BRSK2: variants seen among roughly 807,000 people sequenced by gnomAD.
The protein encoded by BRSK2 is BR serine/threonine kinase 2, also known as serine/threonine-protein kinase BRSK2.
In BRSK2, 19 loss-of-function variants were observed where a neutral mutation model predicts 83.3. The observed-to-expected ratio is 0.23, with a 90% CI of 0.16 to 0.33. The LOEUF (loss-of-function observed/expected upper bound fraction) is 0.33. BRSK2 is among the 10% of genes least tolerant of loss of function. BRSK2 has a pLI of 1.00. For missense variants in BRSK2, 798 were observed against 1,042.3 expected (o/e 0.77, Z 3.23); for synonymous variants, 519 against 435.4 (o/e 1.19, Z -2.39).
intron 5 of BRSK2, 107 bp downstream of exon 5, chr11:1,442,713 C>A (rs985592560): frequency 5.7e-6 from 5 of 879,300 alleles, no homozygotes; most frequent in Admixed American, 2.1e-5. Context: ...CCCGGCACCC[C>A]ACAGGCAGGC....
chr11:1,453,265 G>A (rs532832408), intron 15 of BRSK2, among the ~76,000 whole-genome samples: 1 of 152,218 alleles, frequency 6.6e-6, no homozygotes, highest in South Asian at 2.1e-4. Flanking sequence ...CTCACCCCTC[G>A]TCGGCCTGGC....
intron 12 of BRSK2, among the ~76,000 whole-genome samples, chr11:1,449,078 G>T (rs1696241754): frequency 6.6e-6 from 1 of 152,252 alleles, no homozygotes; most frequent in African/African-American, 2.4e-5. Flanking sequence ...CGTCCGTGCA[G>T]TGTGGTGGAA....
chr11:1,440,965 G>T (rs771814821), intron 4 of BRSK2, 37 bp downstream of exon 4: 1 of 1,583,796 alleles, frequency 6.3e-7, no homozygotes, highest in Admixed American at 1.7e-5. Context: ...ACTCCCCAGG[G>T]ACCCCCACAC....
chr11:1,446,118 A>AGCTGG (rs1273699059), intron 12 of BRSK2, among the ~76,000 whole-genome samples: 3 of 110,336 alleles, frequency 2.7e-5, no homozygotes, highest in Non-Finnish European at 5.3e-5. Flanking sequence ...CTGGGAGCTG[A>AGCTGG]GCTGGGCTGG....
At chr11:1,444,920 G>T in intron 8 of BRSK2, 51 bp from the exon 9 acceptor site, 1 of 1,570,968 alleles carries the variant, frequency 6.4e-7, no homozygotes, top group Non-Finnish European at 8.8e-7. Flanking sequence ...CCTAATGTGG[G>T]CTCTTTCCGT....
chr11:1,409,179 C>G lies in BRSK2; in HGVS notation c.91+18804C>G, dbSNP rs190647915. Among the ~76,000 whole-genome samples, 728 of 152,304 alleles carry G rather than the reference C, an allele frequency of 4.8e-3. 1 individual carries two copies. Among genetic ancestry groups the G allele is most frequent in the Non-Finnish European group, 7.8e-3 (528 of 68,020 alleles). ...GCATTTCCCTCTCTGTTTCTCTGCC[C>G]CGCCCCAGCCATCCCCTTCACCCCT... is the stretch of plus-strand genomic sequence containing the variant. On this transcript the variant is annotated intron_variant, in intron 1 of 19. Coordinates refer to ENST00000528841, the MANE Select transcript of BRSK2 (RefSeq NM_001256627.2).
intron 1 of BRSK2, among the ~76,000 whole-genome samples, chr11:1,400,242 C>T (rs1020626234): frequency 3.3e-5 from 5 of 152,298 alleles, no homozygotes; most frequent in Middle Eastern, 3.4e-3. Flanking sequence ...CAGTCTCCCG[C>T]CCCCTCCATG....
chr11:1,443,234 C>A, intron 6 of BRSK2, 95 bp downstream of exon 6: 1 of 1,517,628 alleles, frequency 6.6e-7, no homozygotes. Context: ...CCAGGTGCTG[C>A]TAGGCTGCCT....
intron 14 of BRSK2, 31 bp from the exon 15 acceptor site, chr11:1,451,338 ACG>A: frequency 2.5e-6 from 4 of 1,612,584 alleles, no homozygotes; most frequent in Non-Finnish European, 3.4e-6. Flanking sequence ...AGCGGTCACC[ACG>A]CCTTTCCTCC....
At chr11:1,427,792 T>C (rs1849424626) in intron 1 of BRSK2, among the ~76,000 whole-genome samples, 1 of 152,130 alleles carries the variant, frequency 6.6e-6, no homozygotes, top group South Asian at 2.1e-4. Context: ...GGCCCTGGGC[T>C]TCCCCGCTCC....
intron 18 of BRSK2, 31 bp from the exon 19 acceptor site, chr11:1,459,161 C>G (rs1356459651): frequency 1.2e-6 from 2 of 1,609,984 alleles, no homozygotes; most frequent in African/African-American, 2.7e-5. Context: ...TTCACTCACT[C>G]CCTCCCTCCT....
intron 18 of BRSK2, 121 bp from the exon 19 acceptor site, chr11:1,459,071 T>G: frequency 6.7e-6 from 3 of 447,500 alleles, no homozygotes; most frequent in Non-Finnish European, 1.1e-5. Context: ...CACCCATGCC[T>G]CTGGGGCCCT....
chr11:1,422,238 G>A (rs1453743568), intron 1 of BRSK2, among the ~76,000 whole-genome samples: 3 of 152,124 alleles, frequency 2.0e-5, no homozygotes, highest in South Asian at 2.1e-4. Context: ...AGGCCTCATC[G>A]CAGCTCACAG....
intron 14 of BRSK2, among the ~76,000 whole-genome samples, chr11:1,451,012 G>C (rs921002209): frequency 6.6e-6 from 1 of 152,224 alleles, no homozygotes; most frequent in Non-Finnish European, 1.5e-5. Context: ...CTGTGTTCCT[G>C]AGTCTACCCA....
intron 1 of BRSK2, among the ~76,000 whole-genome samples, chr11:1,400,844 C>G (rs1472919746): frequency 6.6e-6 from 1 of 152,226 alleles, no homozygotes; most frequent in Non-Finnish European, 1.5e-5. Flanking sequence ...CCCTTCCTGT[C>G]TAGCCATGGC....
At chr11:1,395,038 G>T (rs1004211719) in intron 1 of BRSK2, among the ~76,000 whole-genome samples, 4 of 152,126 alleles carry the variant, frequency 2.6e-5, no homozygotes, top group African/African-American at 9.7e-5. Context: ...CCCGGAGAGC[G>T]CATGGGTAGA....
At chr11:1,426,336 C>T (rs1849219161) in intron 1 of BRSK2, among the ~76,000 whole-genome samples, 1 of 151,762 alleles carries the variant, frequency 6.6e-6, no homozygotes, top group Admixed American at 6.6e-5. Flanking sequence ...GGGGCGTGCT[C>T]TGCTGGCGAC....
At chr11:1,460,161 C>G (rs1175822454) in intron 19 of BRSK2, among the ~76,000 whole-genome samples, 1 of 152,124 alleles carries the variant, frequency 6.6e-6, no homozygotes, top group Non-Finnish European at 1.5e-5. Context: ...CCACCTGCCC[C>G]GAGCCTCGCT....
chr11:1,402,054 G>A (rs565884098), intron 1 of BRSK2, among the ~76,000 whole-genome samples: 8 of 152,298 alleles, frequency 5.3e-5, no homozygotes, highest in Non-Finnish European at 1.0e-4. Flanking sequence ...CTCGTGCCCC[G>A]CCAGGGCCTC....
Sources: allele counts gnomAD v4.1 joint callset (sites outside exome capture counted in the v4.1 genomes callset), GRCh38; gene constraint gnomAD v4.1.1; transcripts MANE v1.5; gene names NCBI Gene and HGNC (gene_info 2026-07-23, HGNC 2026-07-21).